TUT1: variants seen among roughly 807,000 people sequenced by gnomAD.
TUT1 encodes terminal uridylyl transferase 1, U6 snRNA-specific.
In TUT1, 26 loss-of-function variants were observed where a neutral mutation model predicts 48.8. That is an observed-to-expected ratio of 0.53 (90% confidence interval 0.39 to 0.74). TUT1 has a LOEUF of 0.74. TUT1 is among the 30% of genes least tolerant of loss of function. TUT1 has a pLI of 0.00. For missense variants in TUT1, 1,065 were observed against 1,114.8 expected (o/e 0.96, Z 0.64); for synonymous variants, 470 against 460.8 (o/e 1.02, Z -0.26).
At chr11:62,577,852 A>AG (rs1485036417) in intron 5 of TUT1, among the ~76,000 whole-genome samples, 7 of 151,484 alleles carry the variant, frequency 4.6e-5, no homozygotes, top group African/African-American at 1.7e-4. Flanking sequence ...ACCTGAGGTC[A>AG]GGAGTTCGAG....
intron 2 of TUT1, among the ~76,000 whole-genome samples, chr11:62,585,003 T>C (rs905224854): frequency 1.3e-5 from 2 of 150,792 alleles, no homozygotes; most frequent in Non-Finnish European, 3.0e-5. Flanking sequence ...TTTGTATTTT[T>C]AGTAGAGACG....
chr11:62,585,923 A>G (rs575241338), intron 2 of TUT1, among the ~76,000 whole-genome samples: 40 of 152,180 alleles, frequency 2.6e-4, no homozygotes, highest in African/African-American at 9.2e-4. Context: ...AGCAACATGG[A>G]GAAACCCCAT....
At position 62,578,057 on chromosome 11, in the gene TUT1, G is replaced by A. The variant is rs1228195445; in HGVS notation, c.1160+504C>T. On this transcript the variant is annotated intron_variant, in intron 5 of 8. Coordinates refer to ENST00000476907, the MANE Select transcript of TUT1 (RefSeq NM_022830.3). ...GCCTGGGCAACAAGAGTAAATCTCC[G>A]TCTCACAAAAAAAAAAAAAAAAAAA... Among the ~76,000 whole-genome samples the A allele has an allele frequency of 6.1e-5, 5 of 82,124 alleles. No individual in the cohort carries two copies. In the East Asian group the frequency reaches 1.4e-3, roughly 23 times the overall value. The allele number at this position is 82,124 out of a possible 152,430, so 53.9% of individuals were successfully genotyped here.
intron 2 of TUT1, 147 bp from the exon 3 acceptor site, chr11:62,581,848 T>G: frequency 1.3e-6 from 1 of 758,186 alleles, no homozygotes; most frequent in Non-Finnish European, 1.9e-6. Context: ...GGGACATATC[T>G]AGAAAAGCAA....
In TUT1 at chr11:62,575,315, C is replaced by G. The variant is rs1219987238; in HGVS notation, c.2404G>C (p.Gly802Arg). Residue 802 changes from glycine (G) to arginine (R), a missense_variant, in exon 9 of 9, where the codon GGG becomes CGG. By Grantham distance (125) the Gly-to-Arg change is moderately radical. Coordinates refer to ENST00000476907, the MANE Select transcript of TUT1 (RefSeq NM_022830.3). The part of the protein sequence containing the change: ...GAGGGAGTRA[G>R]WLATEAQVTQ... ...ACCTGAGCCTCAGTCGCCAGCCACCCTGCTCTTGTGCCAGCGCCACCTCCA... is the reference window on the plus strand; with the variant it reads ...ACCTGAGCCTCAGTCGCCAGCCACCGTGCTCTTGTGCCAGCGCCACCTCCA... 2.5e-6 allele frequency: 4 copies of G among 1,614,196 alleles called. No homozygotes were observed. The South Asian group carries it at 4.4e-5, about 18-fold the overall frequency.
Position 62,575,791 on chromosome 11 carries a change from C to G in TUT1, c.1928G>C (p.Arg643Pro). The G allele has an allele frequency of 6.2e-7, 1 of 1,614,166 alleles. No homozygotes were observed. Among genetic ancestry groups the G allele is most frequent in the Non-Finnish European group, 8.5e-7 (1 of 1,180,036 alleles). ...CHIEQATKRT[R>P]SEGGGTGESS... The stretch of plus-strand genomic sequence containing the variant: ...CTCCCCAGTTCCACCTCCTTCTGAC[C>G]GCGTTCTCTTGGTTGCCTGTTCTAT... The change falls in exon 9 of 9, where the codon CGG becomes CCG. Residue 643 changes from arginine (R) to proline (P), a missense_variant. Arg to Pro is a moderately radical substitution (Grantham distance 103). Transcript: ENST00000476907.
At position 62,581,157 on chromosome 11, in the gene TUT1, A is replaced by G; in HGVS notation, c.639T>C (p.His213=). 1.2e-6 allele frequency: 2 copies of G among 1,614,172 alleles called. No individual in the cohort carries two copies. The highest frequency in any genetic ancestry group is 8.5e-7 in the Non-Finnish European group (1 of 1,180,018). The part of the protein sequence containing the change: ...FGSSINSFDV[H]GCDLDLFLDL... ...CCAAGAAGAGGTCAAGATCACAGCC[A>G]TGGACATCGAAGCTATTTATGGAAG... The change falls in exon 4 of 9, where the codon CAT becomes CAC. Residue 213 remains histidine, a synonymous_variant. Transcript: ENST00000476907.
At position 62,576,044 on chromosome 11, in the gene TUT1, C is replaced by T; in HGVS notation, c.1675G>A (p.Val559Met). The T allele has an allele frequency of 6.2e-7, 1 of 1,613,834 alleles. No individual in the cohort carries two copies. The highest frequency in any genetic ancestry group is 1.3e-5 in the African/African-American group (1 of 75,048). Residue 559 changes from valine (V) to methionine (M), a missense_variant, in exon 9 of 9, where the codon GTG becomes ATG. Physicochemically the swap from Val to Met is conservative, Grantham distance 21. Coordinates refer to ENST00000476907, the MANE Select transcript of TUT1 (RefSeq NM_022830.3). ...HNVAANVTSR[V>M]AGRLQNCCRA... ...CAGCAGTTCTGTAGGCGCCCAGCCA[C>T]CCGGCTGGTCACATTGGCTGCGACA...
Position 62,578,571 on chromosome 11 carries a change from G to A in TUT1, c.1150C>T (p.Leu384Phe). ...AAAAAAGAAAGGTACCGGTTACTGA[G>A]GGAGACATCACCGTGGAGACCTGAA... Reference protein sequence around the residue: ...RPSGLHGDVSLSNRLALHNSR... With the variant: ...RPSGLHGDVSFSNRLALHNSR... Residue 384 changes from leucine (L) to phenylalanine (F), a missense_variant, in exon 5 of 9, where the codon CTC (leucine) becomes TTC (phenylalanine). By Grantham distance (22) the Leu-to-Phe change is conservative (BLOSUM62 0). Transcript: ENST00000476907. The A allele has an allele frequency of 6.3e-7, 1 of 1,599,330 alleles. No individual in the cohort carries two copies. The highest frequency in any genetic ancestry group is 8.5e-7 in the Non-Finnish European group (1 of 1,172,162).
chr11:62,581,642 C>T lies in TUT1; in HGVS notation c.333G>A (p.Gln111=). 1 of 1,537,358 alleles carries T rather than the reference C, an allele frequency of 6.5e-7. No individual in the cohort carries two copies. The highest frequency in any genetic ancestry group is 1.3e-5 in the South Asian group (1 of 79,452). ...DVGAREAVLS[Q]SQHSLGGHRL... is the part of the protein sequence containing the mutation. ...GATGTCCTCCCAGGCTGTGCTGGGA[C>T]TGTGACAAGACAGCCTCTCGAGCAC... Residue 111 remains glutamine (Q), a synonymous_variant, in exon 3 of 9, where the codon CAG becomes CAA. Transcript: ENST00000476907.
chr11:62,578,788 CA>C lies in TUT1; in HGVS notation c.932del (p.Leu311ArgfsTer2). Reference protein sequence around the residue: ...SPQSLPPASPLLEDREEGDLG... With the variant: ...SPQSLPPASPXLEDREEGDLG... ...GGTCCCCCTCTTCCCTGTCCTCTAG[CA>C]GTGGTGAAGCTGGAGGCAGAGACTG... On this transcript the variant is annotated frameshift_variant, in exon 5 of 9. Coordinates refer to ENST00000476907, the MANE Select transcript of TUT1 (RefSeq NM_022830.3). LOFTEE classifies it high-confidence loss of function. 1 of 1,614,156 alleles carries C rather than the reference CA, an allele frequency of 6.2e-7. No individual in the cohort carries two copies.
In TUT1 at chr11:62,591,494, T is replaced by G; in HGVS notation, c.-9A>C. 2 of 1,613,958 alleles carry G rather than the reference T, an allele frequency of 1.2e-6. No individual in the cohort carries two copies. Among genetic ancestry groups the G allele is most frequent in the Non-Finnish European group, 1.7e-6 (2 of 1,179,958 alleles). On this transcript the variant is annotated 5_prime_UTR_variant, in exon 1 of 9. Transcript: ENST00000476907. ...GAATCCACCGCCGCCATAGCGACTC[T>G]CCTGTACCGACAAAAACACAAGCAC...
rs79719167 is a variant in TUT1 at position 62,576,759 on chromosome 11, T to C, written c.1382-10A>G. 71 of 1,613,838 alleles carry C rather than the reference T, an allele frequency of 4.4e-5. No individual in the cohort carries two copies. In the African/African-American group the frequency reaches 8.8e-4, roughly 20 times the overall value. On this transcript the variant is annotated splice_polypyrimidine_tract_variant and intron_variant, in intron 7 of 8. Coordinates refer to ENST00000476907, the MANE Select transcript of TUT1 (RefSeq NM_022830.3). Reference sequence around the variant, plus strand: ...ACCTGTTCCCCCTCTCCTGTGAAAGTAAATAAGGTGAGAGTCAGTCTGGAA... The same window carrying C: ...ACCTGTTCCCCCTCTCCTGTGAAAGCAAATAAGGTGAGAGTCAGTCTGGAA...
In TUT1 at chr11:62,578,778, T is replaced by C; in HGVS notation, c.943A>G (p.Arg315Gly). 1.2e-6 allele frequency: 2 copies of C among 1,614,112 alleles called. No individual in the cohort carries two copies. Among genetic ancestry groups the C allele is most frequent in the Non-Finnish European group, 1.7e-6 (2 of 1,180,018 alleles). ...GCCTTCCCCAGGTCCCCCTCTTCCC[T>C]GTCCTCTAGCAGTGGTGAAGCTGGA... ...LPPASPLLED[R>G]EEGDLGKASE... The change falls in exon 5 of 9, where the codon AGG (arginine) becomes GGG (glycine). Residue 315 changes from arginine (R) to glycine (G), a missense_variant. Arg to Gly is a moderately radical substitution (Grantham distance 125). Coordinates refer to ENST00000476907, the MANE Select transcript of TUT1 (RefSeq NM_022830.3).
Position 62,591,362 on chromosome 11 carries a change from A to T in TUT1, c.82+42T>A, listed in dbSNP as rs946342812. The T allele has an allele frequency of 2.7e-6, 4 of 1,504,668 alleles. No individual in the cohort carries two copies. The African/African-American group carries it at 5.6e-5, about 21-fold the overall frequency. 93.2% of individuals were successfully genotyped at this position (1,504,668 alleles called of 1,614,324 possible). Reference sequence around the variant, plus strand: ...ACTTTCGCCAGGATCAAAAGACGAAAGCCCGCAACCACCCCCGGGTCCCTC... The same window carrying T: ...ACTTTCGCCAGGATCAAAAGACGAATGCCCGCAACCACCCCCGGGTCCCTC... On this transcript the variant is annotated intron_variant, in intron 1 of 8. Coordinates refer to ENST00000476907, the MANE Select transcript of TUT1 (RefSeq NM_022830.3).
At position 62,578,934 on chromosome 11, in the gene TUT1, C is replaced by G. The variant is rs1007429721; in HGVS notation, c.787G>C (p.Asp263His). 6.4e-7 allele frequency: 1 copy of G among 1,561,828 alleles called. No homozygotes were observed. Among genetic ancestry groups the G allele is most frequent in the South Asian group, 1.2e-5 (1 of 82,210 alleles). ...ALACTPASPP[D>H]SQPPASPQDS... is the part of the protein sequence containing the mutation. ...TGGGGAGAAGCAGGAGGTTGTGAAT[C>G]TGGAGGGGAAGCTGGGGTGCAGGCC... The change falls in exon 5 of 9, where the codon GAT becomes CAT. Residue 263 changes from aspartate (D) to histidine (H), a missense_variant. Asp to His is a moderately conservative substitution (Grantham distance 81). Transcript: ENST00000476907.
chr11:62,576,329 CA>C, intron 8 of TUT1, 85 bp from the exon 9 acceptor site: 1 of 1,428,274 alleles, frequency 7.0e-7, no homozygotes, highest in Non-Finnish European at 9.2e-7. Flanking sequence ...ATTTCCTTAG[CA>C]GGACTTTTTC....
At chr11:62,587,588 G>A (rs1941941930) in intron 2 of TUT1, among the ~76,000 whole-genome samples, 1 of 152,218 alleles carries the variant, frequency 6.6e-6, no homozygotes, top group African/African-American at 2.4e-5. Context: ...TAATGGCAGA[G>A]CAGGAAAACA....
In TUT1 at chr11:62,575,906, AGAGCAGG is replaced by A. The variant is rs1941717405; in HGVS notation, c.1806_1812del (p.Ser605ArgfsTer29). 6.2e-7 allele frequency: 1 copy of A among 1,614,048 alleles called. No homozygotes were observed. The highest frequency in any genetic ancestry group is 1.7e-5 in the Admixed American group (1 of 60,008). Reference sequence around the variant, plus strand: ...AGGGGTAAAGGGATCGGCGTAGCAGAGAGCAGGGAGCTGGGGGAGCTGGGCTGCAGAA... The same window carrying A: ...AGGGGTAAAGGGATCGGCGTAGCAGAGAGCTGGGGGAGCTGGGCTGCAGAA... On this transcript the variant is annotated frameshift_variant, in exon 9 of 9. Transcript: ENST00000476907. LOFTEE classifies it low-confidence loss of function (END_TRUNC).
Sources: gnomAD v4.1 joint callset for allele counts (sites outside exome capture counted in the v4.1 genomes callset) on GRCh38, gnomAD v4.1.1 for gene constraint, MANE v1.5 for transcripts, NCBI Gene and HGNC (gene_info 2026-07-23, HGNC 2026-07-21) for gene names.